KLKB1: variants seen among roughly 807,000 people sequenced by gnomAD.
KLKB1 encodes the protein plasma kallikrein.
A neutral mutation model predicts 73.6 loss-of-function variants in KLKB1; 58 were observed. That is an observed-to-expected ratio of 0.79 (90% CI 0.64 to 0.98). The LOEUF (loss-of-function observed/expected upper bound fraction) is 0.98. KLKB1 is among the 50% of genes least tolerant of loss of function. The pLI is 0.00. For missense variants in KLKB1, 737 were observed against 763.8 expected, an observed-to-expected ratio of 0.96 and a Z score of 0.41; for synonymous variants, 280 against 258.1, an observed-to-expected ratio of 1.08 and a Z score of -0.81.
chr4:186,248,271 TA>T (rs141288175), intron 6 of KLKB1, among the ~76,000 whole-genome samples: 22,101 of 142,736 alleles, frequency 0.15, 1,740 homozygotes, highest in Middle Eastern at 0.24. Flanking sequence ...AAAAATAAAA[TA>T]AAAAAAAAAA....
intron 2 of KLKB1, among the ~76,000 whole-genome samples, chr4:186,218,294 C>T (rs982247685): frequency 3.2e-4 from 49 of 152,208 alleles, no homozygotes; most frequent in Middle Eastern, 3.4e-3. Flanking sequence ...TAAAATATCC[C>T]TCTAGGAGGA....
rs995814210 is a variant in KLKB1, at chr4:186,227,549, G to A, written c.-40G>A. ...GCTTGAAGACCGTTCATTTTTAAGT[G>A]ACAAGAGACTCACCTCCAAGAAGCA... On this transcript the variant is annotated 5_prime_UTR_variant, in exon 1 of 15. Transcript: ENST00000264690. The A allele has an allele frequency of 6.6e-6, 1 of 152,232 alleles. No homozygotes were observed. The highest frequency in any genetic ancestry group is 2.4e-5 in the African/African-American group (1 of 41,410). 9.4% of individuals were successfully genotyped at this position (152,232 alleles called of 1,614,324 possible).
chr4:186,247,642 G>A (rs1295543072), intron 6 of KLKB1, among the ~76,000 whole-genome samples: 1 of 152,084 alleles, frequency 6.6e-6, no homozygotes, highest in African/African-American at 2.4e-5. Flanking sequence ...GAAAAGATGG[G>A]GCTTAATCGC....
Position 186,250,173 on chromosome 4 carries a change from G to T in KLKB1, c.599-70G>T, listed in dbSNP as rs1057134166. On this transcript the variant is annotated intron_variant, in intron 6 of 14. Coordinates refer to ENST00000264690, the MANE Select transcript of KLKB1 (RefSeq NM_000892.5). ...AATAGTCACAATTTCCTTAACTATG[G>T]TGACAAAATACAAGCAAATTTAGCC... 6.5e-6 allele frequency: 9 copies of T among 1,386,282 alleles called. No individual in the cohort carries two copies. The African/African-American group carries it at 1.3e-4, about 20-fold the overall frequency. 85.9% of individuals were successfully genotyped at this position (1,386,282 alleles called of 1,614,324 possible).
intron 10 of KLKB1, 27 bp from the exon 11 acceptor site, chr4:186,251,990 C>A (rs1028071307): frequency 1.2e-6 from 2 of 1,614,200 alleles, no homozygotes; most frequent in Admixed American, 3.3e-5. Flanking sequence ...CTAATTCCAA[C>A]CATTAGCGTC....
upstream of KLKB1, chr4:186,226,409 A>T (rs1197432081): frequency 6.6e-6 from 1 of 152,320 alleles, no homozygotes; most frequent in Non-Finnish European, 1.5e-5. Flanking sequence ...AGAGAAAGCC[A>T]TTCACTAGTC....
intron 2 of KLKB1, among the ~76,000 whole-genome samples, chr4:186,228,668 C>A (rs1327758225): frequency 6.6e-6 from 1 of 152,186 alleles, no homozygotes; most frequent in Non-Finnish European, 1.5e-5. Context: ...CTGTTAGGAA[C>A]ACCATACATA....
Position 186,250,410 on chromosome 4 carries a change from T to G in KLKB1, c.758+8T>G, listed in dbSNP as rs376211368. On this transcript the variant is annotated splice_region_variant and intron_variant, in intron 7 of 14. Transcript: ENST00000264690. Reference sequence around the variant, plus strand: ...GAAAATCGAGTCACAAAGGCGAGTATGCATGGAAAATCGCATCACAAAGGC... The same window carrying G: ...GAAAATCGAGTCACAAAGGCGAGTAGGCATGGAAAATCGCATCACAAAGGC... 6 of 1,613,644 alleles carry G rather than the reference T, an allele frequency of 3.7e-6. No individual in the cohort carries two copies. The African/African-American group carries it at 6.7e-5, about 18-fold the overall frequency.
intron 2 of KLKB1, among the ~76,000 whole-genome samples, chr4:186,231,085 G>A (rs1737381390): frequency 6.6e-6 from 1 of 152,172 alleles, no homozygotes; most frequent in Non-Finnish European, 1.5e-5. Context: ...TCCCCAGGGG[G>A]TAGGATAGTG....
rs1034143620 is a variant in KLKB1, at chr4:186,257,221, C to T, written c.1586-5C>T. The T allele has an allele frequency of 2.6e-6, 4 of 1,554,774 alleles. No individual in the cohort carries two copies. Among genetic ancestry groups the T allele is most frequent in the Admixed American group, 1.7e-5 (1 of 59,020 alleles). On this transcript the variant is annotated splice_polypyrimidine_tract_variant and splice_region_variant and intron_variant, in intron 13 of 14. Transcript: ENST00000264690. ...CCTCTGAGGTTATATATTGGTTACT[C>T]ACAGGTGAAATCCAAAATATTCTAC... is the stretch of plus-strand genomic sequence containing the variant.
chr4:186,228,155 G>T (rs1737234544), intron 1 of KLKB1, 40 bp from the exon 2 acceptor site: 1 of 1,117,242 alleles, frequency 9.0e-7, no homozygotes. Context: ...GTTAAATGTG[G>T]TCTAAAACCA....
At chr4:186,245,433 C>T (rs1738278834) in intron 6 of KLKB1, among the ~76,000 whole-genome samples, 1 of 152,202 alleles carries the variant, frequency 6.6e-6, no homozygotes, top group African/African-American at 2.4e-5. Flanking sequence ...GCCAGAGTTC[C>T]AGGGGCTCTG....
At chr4:186,217,194 A>G (rs1736925348) in intron 2 of KLKB1, among the ~76,000 whole-genome samples, 1 of 152,190 alleles carries the variant, frequency 6.6e-6, no homozygotes, top group South Asian at 2.1e-4. Flanking sequence ...AGCATATTTA[A>G]ATAGGTTAAA....
chr4:186,239,564 G>A (rs1050665178), intron 6 of KLKB1, among the ~76,000 whole-genome samples: 17 of 145,802 alleles, frequency 1.2e-4, no homozygotes, highest in Non-Finnish European at 2.0e-4. Context: ...TACTGTTAGA[G>A]TTATAGGTAC....
At chr4:186,226,957 C>G (rs1244462351), upstream of KLKB1, among the ~76,000 whole-genome samples, 1 of 152,080 alleles carries the variant, frequency 6.6e-6, no homozygotes. Context: ...CAGGGGCTGA[C>G]CTGGTCTGGG....
chr4:186,216,131 G>A (rs1736897305), intron 2 of KLKB1, among the ~76,000 whole-genome samples: 1 of 152,212 alleles, frequency 6.6e-6, no homozygotes, highest in South Asian at 2.1e-4. Context: ...GCTTACATGT[G>A]CGATTGTGAC....
At chr4:186,236,710 G>T in intron 4 of KLKB1, 71 bp from the exon 5 acceptor site, 1 of 1,482,306 alleles carries the variant, frequency 6.7e-7, no homozygotes, top group South Asian at 1.1e-5. Context: ...CAACCCAAAT[G>T]GTAGTGGGTA....
At chr4:186,233,810 A>T (rs1400240094) in intron 3 of KLKB1, 142 bp from the exon 4 acceptor site, 1 of 670,572 alleles carries the variant, frequency 1.5e-6, no homozygotes, top group East Asian at 2.7e-5. Flanking sequence ...TAGCTCTAAG[A>T]GTGTTCTTTC....
chr4:186,245,634 A>C (rs1738289321), intron 6 of KLKB1, among the ~76,000 whole-genome samples: 1 of 152,026 alleles, frequency 6.6e-6, no homozygotes, highest in Non-Finnish European at 1.5e-5. Context: ...GGCATTTTGA[A>C]GTTTTTGTGT....
Sources: gnomAD v4.1 joint callset for allele counts (sites outside exome capture counted in the v4.1 genomes callset) on GRCh38, gnomAD v4.1.1 for gene constraint, MANE v1.5 for transcripts, NCBI Gene and HGNC (gene_info 2026-07-23, HGNC 2026-07-21) for gene names.